The following ADAMTS18 variants were observed in gnomAD, a reference collection of about 807,000 sequenced individuals.
The protein encoded by ADAMTS18 is A disintegrin and metalloproteinase with thrombospondin motifs 18.
Under a neutral mutation model 165.9 loss-of-function variants are expected in ADAMTS18, and 157 were observed. The ratio of observed to expected loss-of-function variants is 0.95; its 90% CI spans 0.83 to 1.08. The LOEUF (loss-of-function observed/expected upper bound fraction) is 1.08, where lower values mean the gene tolerates loss of function less well. Among genes scored for constraint, ADAMTS18 ranks in the 50% least tolerant of loss-of-function variants. ADAMTS18 has a pLI of 0.00. For missense variants in ADAMTS18, 2,040 were observed against 1,534.0 expected, an observed-to-expected ratio of 1.33 and a Z score of -5.51; for synonymous variants, 782 against 578.2, an observed-to-expected ratio of 1.35 and a Z score of -5.06.
At chr16:77,284,107 G>C (rs1156316854) in intron 22 of ADAMTS18, 36 bp from the exon 23 acceptor site, 2 of 1,448,676 alleles carry the variant, frequency 1.4e-6, no homozygotes, top group African/African-American at 2.8e-5. Context: ...TGTTGGCTAG[G>C]GTGTCTATCC....
intron 3 of ADAMTS18, among the ~76,000 whole-genome samples, chr16:77,369,878 G>A (rs1428489683): frequency 6.6e-6 from 1 of 152,122 alleles, no homozygotes; most frequent in Non-Finnish European, 1.5e-5. Context: ...ACATTAAACA[G>A]ATCATTCACC....
At chr16:77,401,617 T>C (rs532738972) in intron 3 of ADAMTS18, among the ~76,000 whole-genome samples, 3 of 152,340 alleles carry the variant, frequency 2.0e-5, no homozygotes, top group African/African-American at 7.2e-5. Context: ...TCAAATTGAC[T>C]GGGCTAAGGG....
intron 3 of ADAMTS18, among the ~76,000 whole-genome samples, chr16:77,388,700 T>A (rs1300872697): frequency 1.3e-5 from 2 of 152,216 alleles, no homozygotes; most frequent in Non-Finnish European, 2.9e-5. Context: ...TTTCATTTGC[T>A]GCTTCACGGT....
At chr16:77,417,935 T>C (rs955600195) in intron 3 of ADAMTS18, among the ~76,000 whole-genome samples, 1 of 152,210 alleles carries the variant, frequency 6.6e-6, no homozygotes, top group Non-Finnish European at 1.5e-5. Context: ...ATAGAGGACA[T>C]TTAACTTTGG....
Position 77,341,779 on chromosome 16 carries a change from C to A in ADAMTS18, c.1635G>T (p.Trp545Cys), listed in dbSNP as rs754439678. ...GFVKDICKSL[W>C]CHRVGHRCET... ...CACACCTGTGGCCTACTCGGTGGCA[C>A]CAAAGTGATTTGCAAATATCCTGAA... is the stretch of plus-strand genomic sequence containing the variant. The change falls in exon 11 of 23, where the codon TGG (tryptophan) becomes TGT (cysteine). Residue 545 changes from tryptophan to cysteine, a missense_variant. Transcript: ENST00000282849. 2 of 1,612,100 alleles carry A rather than the reference C, an allele frequency of 1.2e-6. No homozygotes were observed. The highest frequency in any genetic ancestry group is 1.7e-6 in the Non-Finnish European group (2 of 1,179,304).
At chr16:77,304,940 A>G (rs16945491) in intron 16 of ADAMTS18, among the ~76,000 whole-genome samples, 12,797 of 152,188 alleles carry the variant, frequency 0.084, 965 homozygotes, top group African/African-American at 0.19. Context: ...AAATCAAATG[A>G]CTCAAGGTTT....
chr16:77,408,249 T>A (rs1469471568), intron 3 of ADAMTS18, among the ~76,000 whole-genome samples: 3 of 151,706 alleles, frequency 2.0e-5, no homozygotes, highest in Non-Finnish European at 4.4e-5. Flanking sequence ...GTGTGGAGAG[T>A]TTGTGGGAAT....
At chr16:77,330,686 G>A (rs1329740661) in intron 12 of ADAMTS18, among the ~76,000 whole-genome samples, 1 of 152,226 alleles carries the variant, frequency 6.6e-6, no homozygotes, top group Admixed American at 6.5e-5. Context: ...GTCCCTGTGT[G>A]CCTGGCATTG....
At chr16:77,342,072 G>C (rs530775535) in intron 10 of ADAMTS18, among the ~76,000 whole-genome samples, 1 of 152,166 alleles carries the variant, frequency 6.6e-6, no homozygotes, top group Non-Finnish European at 1.5e-5. Flanking sequence ...GCTTGGAAGT[G>C]ATAGATCTGG....
At chr16:77,400,807 C>G (rs2057321869) in intron 3 of ADAMTS18, among the ~76,000 whole-genome samples, 4 of 152,028 alleles carry the variant, frequency 2.6e-5, no homozygotes, top group African/African-American at 9.6e-5. Flanking sequence ...GAATTTAACT[C>G]ACAGTGCCCT....
In ADAMTS18 at chr16:77,284,147, G is replaced by GTCTC; in HGVS notation, c.3551-80_3551-77dup. 6.5e-6 allele frequency: 6 copies of GTCTC among 923,544 alleles called. No homozygotes were observed. The Admixed American group carries it at 9.8e-5, about 15-fold the overall frequency. 57.2% of individuals were successfully genotyped at this position (923,544 alleles called of 1,614,324 possible). A position where few individuals can be genotyped will look rare whatever the true frequency, so the allele number is the denominator to read the frequency against. On this transcript the variant is annotated intron_variant, in intron 22 of 22. Coordinates refer to ENST00000282849, the MANE Select transcript of ADAMTS18 (RefSeq NM_199355.4). The stretch of plus-strand genomic sequence containing the variant: ...TCTTTTTTTTTTTTTTTGAGATGGA[G>GTCTC]TCTCACTCTGTTACCTAGGCTGGAG...
At chr16:77,323,157 A>G (rs2056033683) in intron 13 of ADAMTS18, among the ~76,000 whole-genome samples, 1 of 152,172 alleles carries the variant, frequency 6.6e-6, no homozygotes, top group African/African-American at 2.4e-5. Context: ...AGCTCTTGTT[A>G]TCAGAAAGGA....
intron 3 of ADAMTS18, among the ~76,000 whole-genome samples, chr16:77,373,632 T>C (rs74866177): frequency 6.6e-6 from 1 of 152,020 alleles, no homozygotes; most frequent in Non-Finnish European, 1.5e-5. Context: ...CAGGTGGTGA[T>C]GGGTGCACCA....
At chr16:77,359,289 A>T in intron 8 of ADAMTS18, 29 bp downstream of exon 8, 1 of 1,587,732 alleles carries the variant, frequency 6.3e-7, no homozygotes, top group Non-Finnish European at 8.6e-7. Context: ...TAGTTTTCAC[A>T]TAAAGTAGTG....
chr16:77,287,670 C>G (rs2055279743), intron 22 of ADAMTS18, among the ~76,000 whole-genome samples: 1 of 152,086 alleles, frequency 6.6e-6, no homozygotes, highest in South Asian at 2.1e-4. Flanking sequence ...CGGGGTTTCA[C>G]CATATTAGCC....
intron 3 of ADAMTS18, among the ~76,000 whole-genome samples, chr16:77,390,722 C>T (rs1407593341): frequency 6.6e-6 from 1 of 151,796 alleles, no homozygotes; most frequent in African/African-American, 2.4e-5. Context: ...AGAAGAATCA[C>T]CCAGCCCTGA....
Position 77,431,305 on chromosome 16 carries a change from C to T in ADAMTS18, c.485G>A (p.Cys162Tyr), listed in dbSNP as rs979102560. The change falls in exon 3 of 23, where the codon TGT becomes TAT. Residue 162 changes from cysteine to tyrosine, a missense_variant. Physicochemically the swap from Cys to Tyr is radical, Grantham distance 194. Coordinates refer to ENST00000282849, the MANE Select transcript of ADAMTS18 (RefSeq NM_199355.4). ...DSSSSVAVSTCAGLSGLIRTR... is the reference protein window; with the variant it reads ...DSSSSVAVSTYAGLSGLIRTR... ...CTGGGGTGTACTTACCAAGCCAGCA[C>T]ACGTAGACACAGCGACAGAGGAGGA... 1 of 1,614,012 alleles carries T rather than the reference C, an allele frequency of 6.2e-7. No individual in the cohort carries two copies. The highest frequency in any genetic ancestry group is 8.5e-7 in the Non-Finnish European group (1 of 1,180,042).
chr16:77,419,179 A>G (rs1293189684), intron 3 of ADAMTS18, among the ~76,000 whole-genome samples: 1 of 152,060 alleles, frequency 6.6e-6, no homozygotes, highest in Non-Finnish European at 1.5e-5. Context: ...ATTAACTCCC[A>G]GTTGTGTAAG....
chr16:77,370,979 G>A (rs2056867980), intron 3 of ADAMTS18, among the ~76,000 whole-genome samples: 1 of 152,134 alleles, frequency 6.6e-6, no homozygotes, highest in Non-Finnish European at 1.5e-5. Context: ...TGGATGCAGT[G>A]ACTTATGCCT....
Sources: gnomAD v4.1 joint callset for allele counts (sites outside exome capture counted in the v4.1 genomes callset) on GRCh38, gnomAD v4.1.1 for gene constraint, MANE v1.5 for transcripts, NCBI Gene and HGNC (gene_info 2026-07-23, HGNC 2026-07-21) for gene names.